DPYSL2: variants seen among roughly 807,000 people sequenced by gnomAD.
DPYSL2 encodes dihydropyrimidinase like 2.
DPYSL2 carries 13 observed loss-of-function variants against 69.9 expected under a neutral mutation model. That is an observed-to-expected ratio of 0.19 (90% CI 0.12 to 0.30). DPYSL2 has a LOEUF of 0.30. DPYSL2 is among the 10% of genes least tolerant of loss of function. The pLI is 1.00. For missense variants in DPYSL2, 587 were observed against 918.9 expected, an observed-to-expected ratio of 0.64 and a Z score of 4.67; for synonymous variants, 326 against 359.1, an observed-to-expected ratio of 0.91 and a Z score of 1.04.
At chr8:26,576,967 G>C in intron 1 of DPYSL2, 3 of 294,102 alleles carry the variant, frequency 1.0e-5, no homozygotes, top group South Asian at 7.1e-5. Flanking sequence ...ACTGTAAAGC[G>C]GGCGCACAGA....
chr8:26,521,786 T>G (rs62492697), intron 1 of DPYSL2, among the ~76,000 whole-genome samples: 1 of 152,202 alleles, frequency 6.6e-6, no homozygotes, highest in Non-Finnish European at 1.5e-5. Flanking sequence ...TATGGCCTTT[T>G]GTGTCTGCTT....
Position 26,560,743 on chromosome 8 carries a change from C to T in DPYSL2, c.355-21226C>T, listed in dbSNP as rs1224489973. On this transcript the variant is annotated intron_variant, in intron 1 of 13. Transcript: ENST00000521913. This position sits in a 1 kb window ranked among gnomAD's most constrained non-coding sequence, Gnocchi z 4.4. ...TTTTCCAATCACTAACATCCTCTGT[C>T]TTTGCAATATGTATAATTTTATCCT... Among the ~76,000 whole-genome samples, 1 of 152,180 alleles carries T rather than the reference C, an allele frequency of 6.6e-6. No homozygotes were observed. The highest frequency in any genetic ancestry group is 1.5e-5 in the Non-Finnish European group (1 of 68,028).
Position 26,624,844 on chromosome 8 carries a change from A to T in DPYSL2, c.793+537A>T, listed in dbSNP as rs1055424516. Among the ~76,000 whole-genome samples the T allele has an allele frequency of 6.6e-6, 1 of 152,130 alleles. No homozygotes were observed. Among genetic ancestry groups the T allele is most frequent in the Admixed American group, 6.5e-5 (1 of 15,268 alleles). On this transcript the variant is annotated intron_variant, in intron 4 of 13. Coordinates refer to ENST00000521913, the MANE Select transcript of DPYSL2 (RefSeq NM_001197293.3). This position sits in a 1 kb window ranked among gnomAD's most constrained non-coding sequence, Gnocchi z 4.7. ...GAACAAATTTCCAGGGATTGGGAAG[A>T]TTCACAGAGAGGCAGGAGGAATCTT...
chr8:26,565,613 C>G lies in DPYSL2; in HGVS notation c.355-16356C>G, dbSNP rs578113609. 1.2e-4 allele frequency among the ~76,000 whole-genome samples: 18 copies of G among 152,248 alleles called. No individual in the cohort carries two copies. Among genetic ancestry groups the G allele is most frequent in the African/African-American group, 4.1e-4 (17 of 41,554 alleles). On this transcript the variant is annotated intron_variant, in intron 1 of 13. Coordinates refer to ENST00000521913, the MANE Select transcript of DPYSL2 (RefSeq NM_001197293.3). The surrounding 1 kb of genome is among the most constrained non-coding windows in gnomAD (Gnocchi z 4.1). The stretch of plus-strand genomic sequence containing the variant: ...GTGTATTTCACACAAATTTTAAATT[C>G]AAACAGGATTAAGTTAGGAGTTGTG...
At position 26,627,562 on chromosome 8, in the gene DPYSL2, G is replaced by C. The variant is rs950003495; in HGVS notation, c.936+267G>C. ...GTGCTGTAACGCAGCTGCCTTGGGT[G>C]GGGTACGGGAACCCTCACGTCACAC... On this transcript the variant is annotated intron_variant, in intron 6 of 13. Transcript: ENST00000521913. This position sits in a 1 kb window ranked among gnomAD's most constrained non-coding sequence, Gnocchi z 6.9. 6.6e-6 allele frequency among the ~76,000 whole-genome samples: 1 copy of C among 152,196 alleles called. No individual in the cohort carries two copies. The highest frequency in any genetic ancestry group is 6.5e-5 in the Admixed American group (1 of 15,286).
chr8:26,563,459 C>A (rs1193521652), intron 1 of DPYSL2, among the ~76,000 whole-genome samples: 1 of 152,216 alleles, frequency 6.6e-6, no homozygotes, highest in African/African-American at 2.4e-5. Flanking sequence ...AAGTCCTGAA[C>A]TTAGCTCCCA....
chr8:26,635,123 G>A (rs907264327), intron 8 of DPYSL2, among the ~76,000 whole-genome samples: 3 of 152,228 alleles, frequency 2.0e-5, no homozygotes, highest in Admixed American at 6.5e-5. Flanking sequence ...CCATGTGCAC[G>A]CCAAGGCGGG....
In DPYSL2 at chr8:26,626,396, C is replaced by T. The variant is rs1802612489; in HGVS notation, c.794-221C>T. Reference sequence around the variant, plus strand: ...AAAAGCATCCTTGTGCCTCTTCCTCCCACATTCACAGGTTATTTATATGGT... The same window carrying T: ...AAAAGCATCCTTGTGCCTCTTCCTCTCACATTCACAGGTTATTTATATGGT... On this transcript the variant is annotated intron_variant, in intron 4 of 13. Transcript: ENST00000521913. This position sits in a 1 kb window ranked among gnomAD's most constrained non-coding sequence, Gnocchi z 4.3. 6.6e-6 allele frequency among the ~76,000 whole-genome samples: 1 copy of T among 151,938 alleles called. No homozygotes were observed. The highest frequency in any genetic ancestry group is 6.6e-5 in the Admixed American group (1 of 15,242).
chr8:26,638,909 A>ATG (rs1435094256), intron 8 of DPYSL2, among the ~76,000 whole-genome samples: 1 of 152,188 alleles, frequency 6.6e-6, no homozygotes, highest in Non-Finnish European at 1.5e-5. Flanking sequence ...CATTTTGTCC[A>ATG]TGTGTGAAAT....
At chr8:26,550,914 A>G (rs1800864749) in intron 1 of DPYSL2, among the ~76,000 whole-genome samples, 1 of 152,176 alleles carries the variant, frequency 6.6e-6, no homozygotes, top group Non-Finnish European at 1.5e-5. Context: ...CTGACACCCA[A>G]GGGCAGGAGA....
chr8:26,652,110 A>C lies in DPYSL2; in HGVS notation c.1597-147A>C. 2 of 585,854 alleles carry C rather than the reference A, an allele frequency of 3.4e-6. No homozygotes were observed. The highest frequency in any genetic ancestry group is 2.8e-6 in the Non-Finnish European group (1 of 361,988). 36.3% of individuals were successfully genotyped at this position (585,854 alleles called of 1,614,324 possible). The stretch of plus-strand genomic sequence containing the variant: ...CAGGGAAATGGAGACACAGCAAGTA[A>C]GTGCCTGCTGGGGTGCCCAGTTGGG... On this transcript the variant is annotated intron_variant, in intron 11 of 13. Transcript: ENST00000521913. This position sits in a 1 kb window ranked among gnomAD's most constrained non-coding sequence, Gnocchi z 6.3.
At chr8:26,616,034 T>C (rs546649433) in intron 3 of DPYSL2, among the ~76,000 whole-genome samples, 1 of 152,266 alleles carries the variant, frequency 6.6e-6, no homozygotes, top group African/African-American at 2.4e-5. Flanking sequence ...CCATATTCCC[T>C]CGTTTACAAC....
chr8:26,624,090 C>A lies in DPYSL2; in HGVS notation c.629-53C>A. 1 of 1,599,466 alleles carries A rather than the reference C, an allele frequency of 6.3e-7. No homozygotes were observed. Among genetic ancestry groups the A allele is most frequent in the Non-Finnish European group, 8.5e-7 (1 of 1,170,616 alleles). On this transcript the variant is annotated intron_variant, in intron 3 of 13. Coordinates refer to ENST00000521913, the MANE Select transcript of DPYSL2 (RefSeq NM_001197293.3). The surrounding 1 kb of genome is among the most constrained non-coding windows in gnomAD (Gnocchi z 4.7). ...GTTCAAGTGGGAAAATACCTGCTGG[C>A]CCACGGCCCTTGAGGCTCTTGGTGA...
At chr8:26,630,395 C>T (rs559363943) in intron 7 of DPYSL2, among the ~76,000 whole-genome samples, 2 of 152,004 alleles carry the variant, frequency 1.3e-5, no homozygotes, top group Non-Finnish European at 2.9e-5. Flanking sequence ...GGCTTTGTTC[C>T]CAGGGCTTTG....
intron 8 of DPYSL2, among the ~76,000 whole-genome samples, chr8:26,635,282 G>T (rs1027351049): frequency 6.6e-6 from 1 of 152,210 alleles, no homozygotes; most frequent in Non-Finnish European, 1.5e-5. Flanking sequence ...CCAAGGCTGG[G>T]AGTGATTTCT....
rs1218339277 is a variant in DPYSL2, at chr8:26,641,947, T to C, written c.1127-1492T>C. On this transcript the variant is annotated intron_variant, in intron 8 of 13. Transcript: ENST00000521913. This position sits in a 1 kb window ranked among gnomAD's most constrained non-coding sequence, Gnocchi z 4.1. ...GGTGTATCATCAAGTGATAAGGCCTTCGGAAAGGCTGTGGAGAGGAAGGAA... is the reference window on the plus strand; with the variant it reads ...GGTGTATCATCAAGTGATAAGGCCTCCGGAAAGGCTGTGGAGAGGAAGGAA... Among the ~76,000 whole-genome samples the C allele has an allele frequency of 1.3e-5, 2 of 152,092 alleles. No individual in the cohort carries two copies.
At chr8:26,555,926 T>G (rs918302096) in intron 1 of DPYSL2, among the ~76,000 whole-genome samples, 1 of 132,370 alleles carries the variant, frequency 7.6e-6, no homozygotes, top group Admixed American at 9.5e-5. Context: ...TATTAGCATA[T>G]ATACACATAT....
intron 1 of DPYSL2, among the ~76,000 whole-genome samples, chr8:26,575,393 A>G (rs1801311340): frequency 6.6e-6 from 1 of 151,882 alleles, no homozygotes. Context: ...CAGGTGGAAG[A>G]TTCTCCTCGG....
intron 3 of DPYSL2, among the ~76,000 whole-genome samples, chr8:26,603,275 C>T (rs564494608): frequency 4.6e-5 from 7 of 152,096 alleles, no homozygotes; most frequent in Non-Finnish European, 8.8e-5. Context: ...CGGGTTCAAG[C>T]GATTCTCCTG....
Sources: allele counts gnomAD v4.1 joint callset (sites outside exome capture counted in the v4.1 genomes callset), GRCh38; gene constraint gnomAD v4.1.1; non-coding constraint Gnocchi (gnomAD v3.1); transcripts MANE v1.5; gene names NCBI Gene and HGNC (gene_info 2026-07-23, HGNC 2026-07-21).